NKAIN3: variants seen among roughly 807,000 people sequenced by gnomAD.
The protein encoded by NKAIN3 is sodium/potassium-transporting ATPase subunit beta-1-interacting protein 3.
A neutral mutation model predicts 30.2 loss-of-function variants in NKAIN3; 25 were observed. The observed-to-expected ratio is 0.83, with a 90% CI of 0.60 to 1.16. The LOEUF is 1.16. Ranked by LOEUF, NKAIN3 falls within the 50% of genes most tolerant of loss-of-function variation. NKAIN3 has a pLI of 0.00. For missense variants in NKAIN3, 225 were observed against 254.1 expected (o/e 0.89, Z 0.78); for synonymous variants, 91 against 89.6 (o/e 1.02, Z -0.09).
At chr8:62,690,422 T>C (rs1479988896) in intron 3 of NKAIN3, among the ~76,000 whole-genome samples, 1 of 152,210 alleles carries the variant, frequency 6.6e-6, no homozygotes, top group Non-Finnish European at 1.5e-5. Flanking sequence ...TGTGAATACA[T>C]GTGATTGTTC....
At chr8:62,451,539 C>A (rs989526809) in intron 1 of NKAIN3, among the ~76,000 whole-genome samples, 1 of 152,150 alleles carries the variant, frequency 6.6e-6, no homozygotes, top group Non-Finnish European at 1.5e-5. Flanking sequence ...TCTTTCCAAA[C>A]TCATGCTCTT....
At chr8:62,619,191 T>C (rs1225318372) in intron 3 of NKAIN3, among the ~76,000 whole-genome samples, 3 of 152,200 alleles carry the variant, frequency 2.0e-5, no homozygotes, top group Admixed American at 6.5e-5. Flanking sequence ...GTACCTACCT[T>C]AGCTAAGTTG....
At position 62,665,913 on chromosome 8, in the gene NKAIN3, A is replaced by G. The variant is rs532066180; in HGVS notation, c.273+76119A>G. On this transcript the variant is annotated intron_variant, in intron 3 of 6. Coordinates refer to ENST00000623646, the MANE Select transcript of NKAIN3 (RefSeq NM_001304533.3). ...CATGATTTTCTACGGAAATTATGTGACATGGAATTTATCAGAATTCGGCTG... is the reference window on the plus strand; with the variant it reads ...CATGATTTTCTACGGAAATTATGTGGCATGGAATTTATCAGAATTCGGCTG... Among the ~76,000 whole-genome samples, 8 of 152,296 alleles carry G rather than the reference A, an allele frequency of 5.3e-5. No homozygotes were observed. In the South Asian group the frequency reaches 1.4e-3, roughly 28 times the overall value.
chr8:62,254,302 C>G (rs1407394669), intron 1 of NKAIN3, among the ~76,000 whole-genome samples: 1 of 151,612 alleles, frequency 6.6e-6, no homozygotes, highest in Non-Finnish European at 1.5e-5. Context: ...GAGTGTGGAA[C>G]CTAGAGGGCA....
At chr8:62,490,481 A>G (rs1807032407) in intron 1 of NKAIN3, among the ~76,000 whole-genome samples, 1 of 152,204 alleles carries the variant, frequency 6.6e-6, no homozygotes, top group Non-Finnish European at 1.5e-5. Context: ...GGAATGTTAG[A>G]AAATATAGAC....
At chr8:62,489,550 T>G (rs993761503) in intron 1 of NKAIN3, among the ~76,000 whole-genome samples, 18 of 152,296 alleles carry the variant, frequency 1.2e-4, no homozygotes, top group Non-Finnish European at 2.2e-4. Flanking sequence ...TAACCAAGAT[T>G]TTTTAAAAAT....
chr8:62,382,657 A>G (rs1006987484), intron 1 of NKAIN3, among the ~76,000 whole-genome samples: 5 of 152,084 alleles, frequency 3.3e-5, no homozygotes, highest in Non-Finnish European at 7.4e-5. Flanking sequence ...TCTAATGTCA[A>G]TTCGTTTTCT....
chr8:62,572,571 T>C (rs1809977871), intron 1 of NKAIN3, among the ~76,000 whole-genome samples: 1 of 152,218 alleles, frequency 6.6e-6, no homozygotes, highest in Non-Finnish European at 1.5e-5. Context: ...TAAAGACATA[T>C]GTGAGACTGG....
chr8:62,892,478 T>C (rs1045445545), intron 4 of NKAIN3, among the ~76,000 whole-genome samples: 2 of 152,200 alleles, frequency 1.3e-5, no homozygotes, highest in African/African-American at 4.8e-5. Context: ...TATCCTTATA[T>C]TTTCCAGGCT....
chr8:62,803,494 A>C (rs1324355526), intron 4 of NKAIN3, among the ~76,000 whole-genome samples: 28 of 152,238 alleles, frequency 1.8e-4, no homozygotes, highest in Middle Eastern at 3.4e-3. Context: ...GGAAACTGAA[A>C]AACCTGCTCC....
At chr8:62,552,470 CTGT>C (rs1809247581) in intron 1 of NKAIN3, among the ~76,000 whole-genome samples, 1 of 152,136 alleles carries the variant, frequency 6.6e-6, no homozygotes, top group South Asian at 2.1e-4. Context: ...TTCACATCTC[CTGT>C]TGTTATGGAT....
chr8:62,879,420 C>G (rs943244053), intron 4 of NKAIN3, among the ~76,000 whole-genome samples: 1 of 152,020 alleles, frequency 6.6e-6, no homozygotes. Context: ...TAGCCCTTTT[C>G]CAGATGAGTA....
Position 62,326,297 on chromosome 8 carries a change from A to G in NKAIN3, c.54+77170A>G, listed in dbSNP as rs1815126339. 2.6e-5 allele frequency among the ~76,000 whole-genome samples: 4 copies of G among 152,086 alleles called. No homozygotes were observed. In the South Asian group the frequency reaches 6.2e-4, roughly 24 times the overall value. ...TGGGTAACTGGATATCTACATGGTA[A>G]TGAATGAATCTGGACCCTTACTGTA... On this transcript the variant is annotated intron_variant, in intron 1 of 6. Coordinates refer to ENST00000623646, the MANE Select transcript of NKAIN3 (RefSeq NM_001304533.3).
chr8:62,834,323 C>T (rs1819291766), intron 4 of NKAIN3, among the ~76,000 whole-genome samples: 1 of 151,998 alleles, frequency 6.6e-6, no homozygotes, highest in South Asian at 2.1e-4. Context: ...AAGTGCTAGC[C>T]AGAGCAATCA....
chr8:62,659,524 G>T (rs1379239756), intron 3 of NKAIN3, among the ~76,000 whole-genome samples: 1 of 152,180 alleles, frequency 6.6e-6, no homozygotes, highest in Non-Finnish European at 1.5e-5. Context: ...CTCTGCTTTT[G>T]CTATCATTGT....
intron 4 of NKAIN3, among the ~76,000 whole-genome samples, chr8:62,852,333 A>G (rs1034249664): frequency 2.0e-5 from 3 of 151,048 alleles, no homozygotes; most frequent in Admixed American, 6.6e-5. Flanking sequence ...CATCTATTTG[A>G]TTCTTCTCTC....
intron 3 of NKAIN3, among the ~76,000 whole-genome samples, chr8:62,617,614 C>G (rs1811498440): frequency 6.6e-6 from 1 of 152,136 alleles, no homozygotes; most frequent in African/African-American, 2.4e-5. Context: ...GCCCTTTCTC[C>G]TGTTGCATAG....
intron 1 of NKAIN3, among the ~76,000 whole-genome samples, chr8:62,447,189 C>G (rs914010658): frequency 6.6e-6 from 1 of 151,964 alleles, no homozygotes; most frequent in African/African-American, 2.4e-5. Context: ...CTATCCCAGG[C>G]AAACCAGGTC....
intron 1 of NKAIN3, among the ~76,000 whole-genome samples, chr8:62,300,211 G>C (rs1813996103): frequency 6.6e-6 from 1 of 151,836 alleles, no homozygotes; most frequent in Admixed American, 6.6e-5. Flanking sequence ...GGTGGCCACG[G>C]GATAACAATG....
Sources: allele counts gnomAD v4.1 joint callset (sites outside exome capture counted in the v4.1 genomes callset), GRCh38; gene constraint gnomAD v4.1.1; transcripts MANE v1.5; gene names NCBI Gene and HGNC (gene_info 2026-07-23, HGNC 2026-07-21).